The following MAP3K9 variants were observed in gnomAD, a reference collection of about 807,000 sequenced individuals.
MAP3K9 encodes the protein mixed lineage kinase 1 (tyr and ser/thr specificity).
A neutral mutation model predicts 95.8 loss-of-function variants in MAP3K9; 46 were observed. The ratio of observed to expected loss-of-function variants is 0.48; its 90% CI spans 0.38 to 0.61. The LOEUF (loss-of-function observed/expected upper bound fraction) is 0.61. Ranked by LOEUF, MAP3K9 falls within the 20% of genes least tolerant of loss-of-function variation. The probability of loss-of-function intolerance (pLI) is 0.00; values close to 1 mark genes in which losing one functional copy is unlikely to be tolerated. For missense variants in MAP3K9, 1,296 were observed against 1,474.3 expected, an observed-to-expected ratio of 0.88 and a Z score of 1.98; for synonymous variants, 533 against 593.8, an observed-to-expected ratio of 0.90 and a Z score of 1.49.
chr14:70,803,859 A>C (rs950503529), intron 1 of MAP3K9, among the ~76,000 whole-genome samples: 3 of 152,240 alleles, frequency 2.0e-5, no homozygotes, highest in Non-Finnish European at 2.9e-5. Flanking sequence ...TACAGAGGCT[A>C]GGAAGCTAAA....
In MAP3K9 at chr14:70,794,132, C is replaced by A. The variant is rs147176276; in HGVS notation, c.820+6535G>T. The stretch of plus-strand genomic sequence containing the variant: ...GAGAGATGAGGCGAGGGCACCCCTG[C>A]CAGCAAGGAGGAAAGGGGAGACCAG... On this transcript the variant is annotated intron_variant, in intron 2 of 11. Transcript: ENST00000554752. Among the ~76,000 whole-genome samples the A allele has an allele frequency of 5.9e-5, 9 of 152,218 alleles. No individual in the cohort carries two copies. The East Asian group carries it at 1.3e-3, about 23-fold the overall frequency.
intron 2 of MAP3K9, chr14:70,765,332 A>G (rs189419197): frequency 4.7e-6 from 2 of 427,150 alleles, no homozygotes; most frequent in African/African-American, 2.0e-5. Context: ...TCCGTCTAAA[A>G]AAAAGTTTTC....
intron 2 of MAP3K9, among the ~76,000 whole-genome samples, chr14:70,766,753 C>T (rs1451547033): frequency 6.6e-6 from 1 of 152,164 alleles, no homozygotes; most frequent in East Asian, 1.9e-4. Flanking sequence ...TTCAGAACCA[C>T]ATTCTTCACC....
Position 70,722,934 on chromosome 14 carries a change from G to A in MAP3K9, c.*7446C>T, listed in dbSNP as rs559723880. On this transcript the variant is annotated 3_prime_UTR_variant, in exon 12 of 12. Coordinates refer to ENST00000554752, the MANE Select transcript of MAP3K9 (RefSeq NM_001284230.2). ...CTAGACTTAAAAGCCCTAAGGGGGAGGAAAAATCCCAAAGAAAGCTTTTCT... is the reference window on the plus strand; with the variant it reads ...CTAGACTTAAAAGCCCTAAGGGGGAAGAAAAATCCCAAAGAAAGCTTTTCT... 1 of 152,244 alleles carries A rather than the reference G, an allele frequency of 6.6e-6. No homozygotes were observed. The highest frequency in any genetic ancestry group is 2.1e-4 in the South Asian group (1 of 4,826). The allele number at this position is 152,244 out of a possible 1,614,324, so 9.4% of individuals were successfully genotyped here.
intron 2 of MAP3K9, among the ~76,000 whole-genome samples, chr14:70,795,283 A>C (rs2054852227): frequency 6.6e-6 from 1 of 151,524 alleles, no homozygotes; most frequent in Non-Finnish European, 1.5e-5. Flanking sequence ...GGCGTGAGCC[A>C]CCATGCCCAG....
chr14:70,734,030 T>C (rs1315448558), intron 10 of MAP3K9, among the ~76,000 whole-genome samples: 1 of 152,166 alleles, frequency 6.6e-6, no homozygotes, highest in Non-Finnish European at 1.5e-5. Context: ...CAAACTGGGA[T>C]TGAGCCACTC....
chr14:70,748,211 T>C (rs1429138185), intron 5 of MAP3K9, among the ~76,000 whole-genome samples: 3 of 151,800 alleles, frequency 2.0e-5, no homozygotes, highest in East Asian at 1.9e-4. Context: ...ATAAGCAATA[T>C]AGTTGCATGT....
At chr14:70,807,267 G>C (rs564178037) in intron 1 of MAP3K9, among the ~76,000 whole-genome samples, 1 of 152,216 alleles carries the variant, frequency 6.6e-6, no homozygotes, top group African/African-American at 2.4e-5. Flanking sequence ...GAGGCGTGCG[G>C]ATCACTTGAG....
chr14:70,732,508 A>G (rs1192546040), intron 11 of MAP3K9, 31 bp downstream of exon 11: 2 of 1,513,520 alleles, frequency 1.3e-6, no homozygotes, highest in Non-Finnish European at 1.8e-6. Flanking sequence ...AGGCACAAAG[A>G]AAGGAAAGAG....
chr14:70,732,048 G>C (rs1470015404), intron 11 of MAP3K9, among the ~76,000 whole-genome samples: 2 of 152,216 alleles, frequency 1.3e-5, no homozygotes, highest in Admixed American at 6.5e-5. Context: ...GTGTTGAAGA[G>C]TGTGATGAAT....
intron 8 of MAP3K9, 130 bp downstream of exon 8, chr14:70,738,115 A>C (rs1446923600): frequency 9.4e-7 from 1 of 1,067,654 alleles, no homozygotes; most frequent in African/African-American, 1.6e-5. Flanking sequence ...TGTTGTAAAG[A>C]TCAAGAAGCT....
Position 70,725,767 on chromosome 14 carries a change from T to C in MAP3K9, c.*4613A>G, listed in dbSNP as rs1274522125. The C allele has an allele frequency of 1.3e-5, 2 of 152,122 alleles. No homozygotes were observed. The highest frequency in any genetic ancestry group is 4.8e-5 in the African/African-American group (2 of 41,422). 9.4% of individuals were successfully genotyped at this position (152,122 alleles called of 1,614,324 possible). ...AAGCCAAAGAGAGAGGCAGGTACAT[T>C]AGGGTGAACCATATGAAATAGCTGA... On this transcript the variant is annotated 3_prime_UTR_variant, in exon 12 of 12. Transcript: ENST00000554752.
chr14:70,761,681 C>T (rs549727751), intron 2 of MAP3K9, among the ~76,000 whole-genome samples: 12 of 152,274 alleles, frequency 7.9e-5, no homozygotes, highest in Admixed American at 7.8e-4. Flanking sequence ...CGGTATCTAC[C>T]AAGCACCCGT....
intron 2 of MAP3K9, among the ~76,000 whole-genome samples, chr14:70,779,408 T>C (rs2054644346): frequency 6.6e-6 from 1 of 152,180 alleles, no homozygotes; most frequent in South Asian, 2.1e-4. Flanking sequence ...ACTCAAGTAC[T>C]GGGGATGGAA....
At chr14:70,730,905 C>A (rs1480851012) in intron 11 of MAP3K9, 41 bp from the exon 12 acceptor site, 1 of 1,561,326 alleles carries the variant, frequency 6.4e-7, no homozygotes, top group South Asian at 1.2e-5. Flanking sequence ...GATGAGGCAC[C>A]ATATTTCGGG....
intron 7 of MAP3K9, 176 bp downstream of exon 7, chr14:70,739,866 G>A: frequency 6.5e-7 from 1 of 1,547,090 alleles, no homozygotes; most frequent in Non-Finnish European, 8.7e-7. Context: ...TTAATGGAGA[G>A]AGACAAGGGA....
intron 2 of MAP3K9, among the ~76,000 whole-genome samples, chr14:70,793,938 C>T (rs905017763): frequency 6.6e-6 from 1 of 152,160 alleles, no homozygotes; most frequent in South Asian, 2.1e-4. Flanking sequence ...AGCCATTAGA[C>T]CAGGGGTTCT....
chr14:70,759,465 A>C, intron 3 of MAP3K9, among the ~76,000 whole-genome samples: 1 of 152,088 alleles, frequency 6.6e-6, no homozygotes, highest in Non-Finnish European at 1.5e-5. Flanking sequence ...AATAAAAATA[A>C]AGTTCTGGAA....
chr14:70,784,440 A>G (rs1243315438), intron 2 of MAP3K9, among the ~76,000 whole-genome samples: 1 of 151,964 alleles, frequency 6.6e-6, no homozygotes, highest in Non-Finnish European at 1.5e-5. Context: ...CAGGACAAAC[A>G]CTAACAAGAA....
Sources: allele counts gnomAD v4.1 joint callset (sites outside exome capture counted in the v4.1 genomes callset), GRCh38; gene constraint gnomAD v4.1.1; transcripts MANE v1.5; gene names NCBI Gene and HGNC (gene_info 2026-07-23, HGNC 2026-07-21).